Variants in CASZ1 observed in about 807,000 individuals in gnomAD.
CASZ1 encodes zinc finger protein castor homolog 1.
CASZ1 carries 28 observed loss-of-function variants against 135.2 expected under a neutral mutation model. The ratio of observed to expected loss-of-function variants is 0.21; its 90% CI spans 0.15 to 0.28. The LOEUF (loss-of-function observed/expected upper bound fraction) is 0.28, where lower values mean the gene tolerates loss of function less well. Ranked by LOEUF, CASZ1 falls within the 10% of genes least tolerant of loss-of-function variation. CASZ1 has a pLI of 1.00. For missense variants in CASZ1, 2,161 were observed against 2,453.3 expected (o/e 0.88, Z 2.52); for synonymous variants, 1,068 against 1,073.4 (o/e 0.99, Z 0.10).
At chr1:10,782,062 A>T (rs1640772367) in intron 1 of CASZ1, among the ~76,000 whole-genome samples, 1 of 152,348 alleles carries the variant, frequency 6.6e-6, no homozygotes, top group South Asian at 2.1e-4. Context: ...TTCTGCCAAA[A>T]CAAGGGCATC....
At chr1:10,645,162 T>C in intron 17 of CASZ1, 74 bp from the exon 18 acceptor site, 1 of 1,330,894 alleles carries the variant, frequency 7.5e-7, no homozygotes, top group Non-Finnish European at 1.1e-6. Context: ...GGCCTGAGGC[T>C]GTGGTGGGCC....
intron 4 of CASZ1, among the ~76,000 whole-genome samples, chr1:10,665,874 C>T (rs988541093): frequency 1.3e-5 from 2 of 152,180 alleles, no homozygotes; most frequent in East Asian, 1.9e-4. Context: ...CTACAAGGGG[C>T]GCCCAGGTCC....
chr1:10,656,776 T>C (rs1449475337), intron 7 of CASZ1, 40 bp from the exon 8 acceptor site: 3 of 1,384,000 alleles, frequency 2.2e-6, no homozygotes, highest in Non-Finnish European at 3.0e-6. Context: ...CTGCTGTGGG[T>C]GACAGTCCCA....
rs1489769346 is a variant in CASZ1 at position 10,717,680 on chromosome 1, T to C, written c.-76-12136A>G. Among the ~76,000 whole-genome samples the C allele has an allele frequency of 1.3e-5, 2 of 150,604 alleles. No homozygotes were observed. The highest frequency in any genetic ancestry group is 3.9e-4 in the East Asian group (2 of 5,102). ...AGGGGGCAGGGGACAGGGGCGGAGG[T>C]AGAAAACCCTTGCCAATTCCCCCCC... On this transcript the variant is annotated intron_variant, in intron 2 of 20. Coordinates refer to ENST00000377022, the MANE Select transcript of CASZ1 (RefSeq NM_001079843.3). This position sits in a 1 kb window ranked among gnomAD's most constrained non-coding sequence, Gnocchi z 4.6.
rs1639914704 is a variant in CASZ1 at position 10,741,173 on chromosome 1, GGGTTTC to G, written c.-77+19522_-77+19527del. On this transcript the variant is annotated intron_variant, in intron 2 of 20. Coordinates refer to ENST00000377022, the MANE Select transcript of CASZ1 (RefSeq NM_001079843.3). This position sits in a 1 kb window ranked among gnomAD's most constrained non-coding sequence, Gnocchi z 5.0. ...AATTTTTGTATTTTTAGCAGAGACG[GGGTTTC>G]ACCATGTTGGTCAGGCTGGTCTCCA... 6.6e-6 allele frequency among the ~76,000 whole-genome samples: 1 copy of G among 152,118 alleles called. No homozygotes were observed. The highest frequency in any genetic ancestry group is 1.5e-5 in the Non-Finnish European group (1 of 68,034).
rs751631175 is a variant in CASZ1 at position 10,660,482 on chromosome 1, C to T, written c.560G>A (p.Gly187Asp). The T allele has an allele frequency of 4.5e-5, 72 of 1,613,926 alleles. 1 individual carries two copies. In the Admixed American group the frequency reaches 1.2e-3, roughly 27 times the overall value. ...GTTCTGGTCATCATAGCCAAACATG[C>T]CGAGGAACTCGGTCATGGTGGAGGC... ...YAASTMTEFL[G>D]MFGYDDQNTR... The change falls in exon 6 of 21, where the codon GGC (glycine) becomes GAC (aspartate). Residue 187 changes from glycine (G) to aspartate (D), a missense_variant. By Grantham distance (94) the Gly-to-Asp change is moderately conservative. This residue lies in a region of CASZ1 where 590 missense variants were observed against 609.8 expected (regional missense o/e 0.97). Transcript: ENST00000377022.
At chr1:10,754,043 C>A (rs922326265) in intron 2 of CASZ1, among the ~76,000 whole-genome samples, 3 of 152,132 alleles carry the variant, frequency 2.0e-5, no homozygotes, top group African/African-American at 4.8e-5. Context: ...CTCCAACACG[C>A]CTCTGGGATC....
In CASZ1 at chr1:10,728,439, C is replaced by T. The variant is rs374046915; in HGVS notation, c.-76-22895G>A. Among the ~76,000 whole-genome samples the T allele has an allele frequency of 1.9e-3, 294 of 152,282 alleles. 2 individuals carry two copies. The highest frequency in any genetic ancestry group is 6.8e-3 in the African/African-American group (283 of 41,544). On this transcript the variant is annotated intron_variant, in intron 2 of 20. Transcript: ENST00000377022. ...AATGAAAATGAACGTCCTTCCCCTC[C>T]GGTCACCAGGACAATCCTGTCCCAC...
At chr1:10,771,423 G>T (rs995703718) in intron 1 of CASZ1, among the ~76,000 whole-genome samples, 1 of 151,824 alleles carries the variant, frequency 6.6e-6, no homozygotes, top group Non-Finnish European at 1.5e-5. Flanking sequence ...ATTTTTTGGG[G>T]TTGGTTTCGG....
rs1012340790 is a variant in CASZ1, at chr1:10,739,199, G to A, written c.-77+21502C>T. Among the ~76,000 whole-genome samples, 1 of 152,130 alleles carries A rather than the reference G, an allele frequency of 6.6e-6. No homozygotes were observed. Among genetic ancestry groups the A allele is most frequent in the Non-Finnish European group, 1.5e-5 (1 of 67,998 alleles). Reference sequence around the variant, plus strand: ...TTTCAGGCCGGCGGCCAGTCCCCGGGCGTACAGCGTGCGGTGCAACCTGCA... The same window carrying A: ...TTTCAGGCCGGCGGCCAGTCCCCGGACGTACAGCGTGCGGTGCAACCTGCA... On this transcript the variant is annotated intron_variant, in intron 2 of 20. Coordinates refer to ENST00000377022, the MANE Select transcript of CASZ1 (RefSeq NM_001079843.3). The surrounding 1 kb of genome is among the most constrained non-coding windows in gnomAD (Gnocchi z 4.8).
rs151200081 is a variant in CASZ1 at position 10,658,549 on chromosome 1, G to A, written c.1368C>T (p.Ala456=). The change falls in exon 7 of 21, where the codon GCC becomes GCT. Residue 456 remains alanine (A), a synonymous_variant. Transcript: ENST00000377022. ...GGTAAATGTTTACATCTTCAGTGAC[G>A]GCTGGTTTATCTGTGGGCAGTCCGT... ...VKNGLPTDKP[A]VTEDVNIYQK... 12 of 1,613,972 alleles carry A rather than the reference G, an allele frequency of 7.4e-6. No individual in the cohort carries two copies. Among genetic ancestry groups the A allele is most frequent in the East Asian group, 2.2e-5 (1 of 44,894 alleles).
rs138615489 is a variant in CASZ1 at position 10,655,805 on chromosome 1, C to T, written c.1509G>A (p.Thr503=). 1.8e-5 allele frequency: 29 copies of T among 1,613,650 alleles called. No homozygotes were observed. The highest frequency in any genetic ancestry group is 4.5e-5 in the East Asian group (2 of 44,872). Residue 503 remains threonine, a synonymous_variant, in exon 9 of 21, where the codon ACG becomes ACA. Transcript: ENST00000377022. ...AGTGGCGGATCACGTCCTGCTTACT[C>T]GTGAACCTCTGCCAGGAGACAGCGC... ...LDPECNYQRF[T]SKQDVIRHYN... is the part of the protein sequence containing the mutation.
intron 1 of CASZ1, among the ~76,000 whole-genome samples, chr1:10,780,076 C>T (rs1445414956): frequency 1.3e-5 from 2 of 152,204 alleles, no homozygotes; most frequent in Admixed American, 6.5e-5. Flanking sequence ...CCCTCACCCT[C>T]ACGGTGACCT....
At chr1:10,656,384 G>A (rs1311921309) in intron 8 of CASZ1, among the ~76,000 whole-genome samples, 2 of 152,222 alleles carry the variant, frequency 1.3e-5, no homozygotes, top group Non-Finnish European at 2.9e-5. Context: ...CCCTGGGCAC[G>A]TGGGAGGCTC....
Position 10,639,598 on chromosome 1 carries a change from C to T in CASZ1, c.4624G>A (p.Val1542Met), listed in dbSNP as rs572831920. The T allele has an allele frequency of 4.0e-5, 64 of 1,611,778 alleles. No homozygotes were observed. The South Asian group carries it at 6.3e-4, about 16-fold the overall frequency. Residue 1542 changes from valine to methionine, a missense_variant, in exon 21 of 21, where the codon GTG (valine) becomes ATG (methionine). Around this residue, in one of 7 missense-constraint regions of CASZ1, gnomAD observed 240 missense variants for 321.4 expected, o/e 0.75. Coordinates refer to ENST00000377022, the MANE Select transcript of CASZ1 (RefSeq NM_001079843.3). This position sits in a 1 kb window ranked among gnomAD's most constrained non-coding sequence, Gnocchi z 4.0. ...AHRKHHGKQDVISAAGFCQFS... is the reference protein window; with the variant it reads ...AHRKHHGKQDMISAAGFCQFS... ...TGGCAGAAGCCCGCGGCGCTGATCA[C>T]GTCCTGTTTGCCGTGGTGCTTGCGA...
rs941581922 is a variant in CASZ1 at position 10,794,872 on chromosome 1, G to T, written c.-234+1692C>A. Among the ~76,000 whole-genome samples the T allele has an allele frequency of 6.6e-6, 1 of 151,366 alleles. No individual in the cohort carries two copies. The highest frequency in any genetic ancestry group is 2.1e-4 in the South Asian group (1 of 4,832). On this transcript the variant is annotated intron_variant, in intron 1 of 20. Coordinates refer to ENST00000377022, the MANE Select transcript of CASZ1 (RefSeq NM_001079843.3). The surrounding 1 kb of genome is among the most constrained non-coding windows in gnomAD (Gnocchi z 5.6). ...GACATTCGCCCAAACGCTCCGCAGC[G>T]GCCCAGCAACCGCCCGCCCGCCCGC...
rs920733529 is a variant in CASZ1, at chr1:10,756,226, C to T, written c.-77+4475G>A. On this transcript the variant is annotated intron_variant, in intron 2 of 20. Coordinates refer to ENST00000377022, the MANE Select transcript of CASZ1 (RefSeq NM_001079843.3). This position sits in a 1 kb window ranked among gnomAD's most constrained non-coding sequence, Gnocchi z 5.9. ...CTCTCCCGTTGCTGCCTCTGGAGGT[C>T]AGGCCTCCAGAGCCTCCTTACAGGG... Among the ~76,000 whole-genome samples the T allele has an allele frequency of 3.3e-5, 5 of 152,134 alleles. No homozygotes were observed. The highest frequency in any genetic ancestry group is 5.9e-5 in the Non-Finnish European group (4 of 67,994).
In CASZ1 at chr1:10,645,109, G is replaced by C. The variant is rs778333729; in HGVS notation, c.3697-21C>G. ...CAGTGCTGCAGGGAGACACGGGAGG[G>C]TCAGGACAGGCGGGTGACTTTCAAG... On this transcript the variant is annotated intron_variant, in intron 17 of 20. Coordinates refer to ENST00000377022, the MANE Select transcript of CASZ1 (RefSeq NM_001079843.3). 6 of 1,610,242 alleles carry C rather than the reference G, an allele frequency of 3.7e-6. No individual in the cohort carries two copies. The East Asian group carries it at 1.1e-4, about 30-fold the overall frequency.
chr1:10,658,701 GC>G, intron 6 of CASZ1, 125 bp from the exon 7 acceptor site: 1 of 819,158 alleles, frequency 1.2e-6, no homozygotes, highest in Non-Finnish European at 2.1e-6. Context: ...AGTGTCCGAG[GC>G]ACCCACGGTG....
Sources: gnomAD v4.1 joint callset for allele counts (sites outside exome capture counted in the v4.1 genomes callset) on GRCh38, gnomAD v4.1.1 for gene constraint, gnomAD v4.1.1 regional missense constraint, Gnocchi (gnomAD v3.1) non-coding constraint, MANE v1.5 for transcripts, NCBI Gene and HGNC (gene_info 2026-07-23, HGNC 2026-07-21) for gene names.